The following RAB31 variants were observed in gnomAD, a reference collection of about 807,000 sequenced individuals.
The protein encoded by RAB31 is RAB31, member RAS oncogene family, also known as ras-related protein Rab-31.
Under a neutral mutation model 25.6 loss-of-function variants are expected in RAB31, and 21 were observed. The ratio of observed to expected loss-of-function variants is 0.82; its 90% CI spans 0.58 to 1.18. The LOEUF (loss-of-function observed/expected upper bound fraction) is 1.18, where lower values mean the gene tolerates loss of function less well. RAB31 is among the 50% of genes most tolerant of loss of function. The pLI is 0.00. For synonymous variants in RAB31, 87 were observed against 84.0 expected (o/e 1.04, Z -0.20); for missense variants, 196 against 250.1 (o/e 0.78, Z 1.46).
intron 2 of RAB31, among the ~76,000 whole-genome samples, chr18:9,778,344 T>G (rs773357362): frequency 6.6e-6 from 1 of 152,150 alleles, no homozygotes; most frequent in Non-Finnish European, 1.5e-5. Context: ...CAGTGTTTTG[T>G]CTAGTAAATG....
At chr18:9,808,947 C>A (rs1392108169) in intron 3 of RAB31, among the ~76,000 whole-genome samples, 1 of 152,204 alleles carries the variant, frequency 6.6e-6, no homozygotes, top group Non-Finnish European at 1.5e-5. Context: ...ATGCCACAAA[C>A]CTGCATTTAA....
At position 9,832,446 on chromosome 18, in the gene RAB31, C is replaced by T. The variant is rs116433639; in HGVS notation, c.381-13136C>T. 8.3e-3 allele frequency among the ~76,000 whole-genome samples: 1,262 copies of T among 152,308 alleles called. 21 individuals are homozygous for T. The highest frequency in any genetic ancestry group is 0.029 in the African/African-American group (1,200 of 41,582). ...AAGATCATCAGGGGCAAACCGTGGA[C>T]GATCTGAATGACAGCACAGACCGTC... On this transcript the variant is annotated intron_variant, in intron 5 of 6. Coordinates refer to ENST00000578921, the MANE Select transcript of RAB31 (RefSeq NM_006868.4).
intron 1 of RAB31, among the ~76,000 whole-genome samples, chr18:9,742,456 C>A (rs913189717): frequency 6.6e-6 from 1 of 152,218 alleles, no homozygotes; most frequent in Admixed American, 6.5e-5. Flanking sequence ...CAGTTCTCAG[C>A]GCCAGCCTGA....
intron 3 of RAB31, among the ~76,000 whole-genome samples, chr18:9,793,597 G>C (rs549106851): frequency 2.2e-4 from 34 of 152,084 alleles, no homozygotes; most frequent in African/African-American, 7.7e-4. Flanking sequence ...AGGAGGCGGA[G>C]GTTGCAGTGA....
At chr18:9,764,160 A>G (rs1423191326) in intron 1 of RAB31, among the ~76,000 whole-genome samples, 5 of 152,232 alleles carry the variant, frequency 3.3e-5, no homozygotes, top group African/African-American at 1.2e-4. Context: ...GAACTCAGCC[A>G]TCAGCAATCC....
At chr18:9,712,584 A>G (rs983707964) in intron 1 of RAB31, among the ~76,000 whole-genome samples, 6 of 152,234 alleles carry the variant, frequency 3.9e-5, no homozygotes, top group African/African-American at 1.4e-4. Context: ...AGCTGCTTCA[A>G]CCCCAAAGGT....
At chr18:9,804,994 T>C (rs2068532769) in intron 3 of RAB31, among the ~76,000 whole-genome samples, 1 of 152,218 alleles carries the variant, frequency 6.6e-6, no homozygotes, top group Non-Finnish European at 1.5e-5. Context: ...GTCTCATGCC[T>C]GTGGTCCCAG....
At chr18:9,774,679 C>T (rs375858450) in intron 1 of RAB31, among the ~76,000 whole-genome samples, 20 of 152,098 alleles carry the variant, frequency 1.3e-4, no homozygotes, top group African/African-American at 4.8e-4. Context: ...ATTGAATTTC[C>T]AGTGTGTAAT....
chr18:9,855,134 C>T (rs764086564), intron 6 of RAB31, among the ~76,000 whole-genome samples: 2 of 152,270 alleles, frequency 1.3e-5, no homozygotes, highest in Middle Eastern at 3.4e-3. Context: ...AGCCCAGTTC[C>T]GAGCCAGGAT....
intron 5 of RAB31, among the ~76,000 whole-genome samples, chr18:9,833,567 A>G (rs1568191521): frequency 1.3e-5 from 2 of 152,166 alleles, no homozygotes; most frequent in Non-Finnish European, 2.9e-5. Flanking sequence ...AGTTGCTTAT[A>G]TTGATGTTTG....
chr18:9,831,087 T>G (rs1177413587), intron 5 of RAB31, among the ~76,000 whole-genome samples: 1 of 152,184 alleles, frequency 6.6e-6, no homozygotes, highest in East Asian at 1.9e-4. Context: ...TACGATACCT[T>G]TATCGTGAGT....
intron 5 of RAB31, among the ~76,000 whole-genome samples, chr18:9,831,092 G>A (rs531399278): frequency 3.9e-5 from 6 of 152,252 alleles, no homozygotes; most frequent in Admixed American, 2.0e-4. Context: ...TACCTTTATC[G>A]TGAGTCTTGA....
At chr18:9,729,985 T>C (rs1330554242) in intron 1 of RAB31, among the ~76,000 whole-genome samples, 1 of 152,192 alleles carries the variant, frequency 6.6e-6, no homozygotes, top group Non-Finnish European at 1.5e-5. Context: ...GTCTATGTGG[T>C]AAATACGTGG....
At chr18:9,759,015 A>G (rs2145482391) in intron 1 of RAB31, among the ~76,000 whole-genome samples, 1 of 152,114 alleles carries the variant, frequency 6.6e-6, no homozygotes, top group East Asian at 1.9e-4. Flanking sequence ...GAGATCAAGC[A>G]GTGTGCGGCT....
At chr18:9,752,989 A>G (rs2068243144) in intron 1 of RAB31, among the ~76,000 whole-genome samples, 1 of 152,248 alleles carries the variant, frequency 6.6e-6, no homozygotes, top group African/African-American at 2.4e-5. Flanking sequence ...AGATCTTAAG[A>G]TATGTACAGT....
chr18:9,836,184 G>GGCT (rs762109564), intron 5 of RAB31, among the ~76,000 whole-genome samples: 2 of 152,026 alleles, frequency 1.3e-5, no homozygotes, highest in Non-Finnish European at 2.9e-5. Flanking sequence ...CTTGGAAGGG[G>GGCT]GCTGTGGCTC....
intron 2 of RAB31, among the ~76,000 whole-genome samples, chr18:9,786,038 C>G (rs1192772546): frequency 5.4e-5 from 7 of 129,108 alleles, no homozygotes; most frequent in Non-Finnish European, 1.1e-4. Context: ...GCGACAGAGT[C>G]AGACTCTGAG....
At chr18:9,757,776 T>G (rs2068267414) in intron 1 of RAB31, among the ~76,000 whole-genome samples, 1 of 152,200 alleles carries the variant, frequency 6.6e-6, no homozygotes, top group African/African-American at 2.4e-5. Context: ...ATAGAGCCAC[T>G]GGGTTAGGGC....
chr18:9,828,407 C>G (rs1291400092), intron 5 of RAB31, among the ~76,000 whole-genome samples: 2 of 152,146 alleles, frequency 1.3e-5, no homozygotes, highest in African/African-American at 2.4e-5. Context: ...ATTGGCCATC[C>G]TCCAAGGAGG....
Sources: allele counts gnomAD v4.1 joint callset (sites outside exome capture counted in the v4.1 genomes callset), GRCh38; gene constraint gnomAD v4.1.1; transcripts MANE v1.5; gene names NCBI Gene and HGNC (gene_info 2026-07-23, HGNC 2026-07-21).